The following POU2AF2 variants were observed in gnomAD, a reference collection of about 807,000 sequenced individuals.
POU2AF2 encodes the protein POU class 2 homeobox associating factor 2, also known as POU domain class 2-associating factor 2.
chr11:111,259,248 G>A, the POU2AF2 span, among the ~76,000 whole-genome samples: 5 of 151,202 alleles, frequency 3.3e-5, no homozygotes, highest in East Asian at 3.9e-4. Context: ...CAAGAGAAGC[G>A]AAGTAATTAT....
chr11:111,268,442 A>T, the POU2AF2 span, among the ~76,000 whole-genome samples: 1 of 150,280 alleles, frequency 6.7e-6, no homozygotes, highest in Non-Finnish European at 1.5e-5. Flanking sequence ...AGGTGGCCCA[A>T]TGTGTGTTTT....
the POU2AF2 span, among the ~76,000 whole-genome samples, chr11:111,256,874 A>T: frequency 2.0e-5 from 3 of 152,116 alleles, no homozygotes; most frequent in African/African-American, 7.2e-5. Flanking sequence ...GAGATAACTT[A>T]AAAAAAATCT....
At chr11:111,256,989 C>T in the POU2AF2 span, among the ~76,000 whole-genome samples, 2 of 152,212 alleles carry the variant, frequency 1.3e-5, no homozygotes, top group Non-Finnish European at 2.9e-5. Context: ...CTACTGTATA[C>T]CCCAAATGTT....
the POU2AF2 span, among the ~76,000 whole-genome samples, chr11:111,249,056 C>T: frequency 6.6e-6 from 1 of 152,162 alleles, no homozygotes; most frequent in Non-Finnish European, 1.5e-5. Context: ...TGCAAAAAAA[C>T]ATCTTTTTCC....
At chr11:111,261,285 A>C in the POU2AF2 span, among the ~76,000 whole-genome samples, 1 of 143,106 alleles carries the variant, frequency 7.0e-6, no homozygotes, top group Non-Finnish European at 1.6e-5. Context: ...ACACACACAC[A>C]CACACACATA....
the POU2AF2 span, among the ~76,000 whole-genome samples, chr11:111,250,056 T>C: frequency 6.6e-6 from 1 of 152,172 alleles, no homozygotes; most frequent in Non-Finnish European, 1.5e-5. Flanking sequence ...TATTTTTTAT[T>C]TTATCATGTC....
chr11:111,280,057 A>AAAAAATATATAT, the POU2AF2 span, among the ~76,000 whole-genome samples: 4 of 76,496 alleles, frequency 5.2e-5, no homozygotes, highest in Non-Finnish European at 7.6e-5. Context: ...AAAAAAAAAA[A>AAAAAATATATAT]ATATATATAT....
chr11:111,285,029 A>G, the POU2AF2 span, among the ~76,000 whole-genome samples: 1 of 152,230 alleles, frequency 6.6e-6, no homozygotes, highest in Non-Finnish European at 1.5e-5. Context: ...ATGCCAGGAA[A>G]TGTGATGTGT....
the POU2AF2 span, chr11:111,281,489 A>C: frequency 6.3e-6 from 10 of 1,592,774 alleles, no homozygotes; most frequent in Non-Finnish European, 8.6e-6. Flanking sequence ...AATTTAAATC[A>C]AGCATCTGGG....
At chr11:111,247,546 C>T in the POU2AF2 span, among the ~76,000 whole-genome samples, 2 of 152,046 alleles carry the variant, frequency 1.3e-5, no homozygotes, top group Non-Finnish European at 2.9e-5. Context: ...CCAGCACTTT[C>T]GGAGGCTGAG....
chr11:111,273,323 G>T, the POU2AF2 span, among the ~76,000 whole-genome samples: 2 of 151,982 alleles, frequency 1.3e-5, no homozygotes, highest in African/African-American at 4.8e-5. Flanking sequence ...TAATTCCAAA[G>T]TTGGAGGAAA....
chr11:111,263,712 T>A, the POU2AF2 span, among the ~76,000 whole-genome samples: 1 of 152,156 alleles, frequency 6.6e-6, no homozygotes, highest in Non-Finnish European at 1.5e-5. Flanking sequence ...ATTACAGGCG[T>A]GAGCCACTGT....
chr11:111,261,585 A>C, the POU2AF2 span, among the ~76,000 whole-genome samples: 3 of 151,392 alleles, frequency 2.0e-5, no homozygotes, highest in Non-Finnish European at 4.4e-5. Context: ...AAAAATGTAA[A>C]ACTTGCTGTG....
chr11:111,283,044 A>C, the POU2AF2 span, among the ~76,000 whole-genome samples: 1 of 147,956 alleles, frequency 6.8e-6, no homozygotes, highest in Non-Finnish European at 1.5e-5. Context: ...CTCTCCACCA[A>C]GGAAAACTTT....
the POU2AF2 span, among the ~76,000 whole-genome samples, chr11:111,264,577 G>GAAAGAAAGAAAGA: frequency 8.7e-5 from 2 of 22,930 alleles, no homozygotes; most frequent in African/African-American, 2.9e-4. Context: ...AGAAAGAAAG[G>GAAAGAAAGAAAGA]GAGAGAGAAA....
At chr11:111,266,427 C>T in the POU2AF2 span, among the ~76,000 whole-genome samples, 1 of 152,118 alleles carries the variant, frequency 6.6e-6, no homozygotes, top group Non-Finnish European at 1.5e-5. Flanking sequence ...GATAAATTCC[C>T]TTTTCTCTGA....
At chr11:111,261,285 ACACACACATAAT>A in the POU2AF2 span, among the ~76,000 whole-genome samples, 1 of 143,106 alleles carries the variant, frequency 7.0e-6, no homozygotes, top group African/African-American at 2.5e-5. Flanking sequence ...ACACACACAC[ACACACACATAAT>A]TAAGTTCTGA....
the POU2AF2 span, among the ~76,000 whole-genome samples, chr11:111,264,273 A>G: frequency 6.6e-6 from 1 of 151,916 alleles, no homozygotes; most frequent in Non-Finnish European, 1.5e-5. Context: ...AGGTGGGCAG[A>G]TCTCTTGAGG....
At chr11:111,254,039 T>C in the POU2AF2 span, among the ~76,000 whole-genome samples, 1 of 152,230 alleles carries the variant, frequency 6.6e-6, no homozygotes, top group Non-Finnish European at 1.5e-5. Flanking sequence ...ATCACAATTA[T>C]TTTATTTTAA....
Sources: allele counts gnomAD v4.1 joint callset (sites outside exome capture counted in the v4.1 genomes callset), GRCh38; gene constraint gnomAD v4.1.1; transcripts MANE v1.5; gene names NCBI Gene and HGNC (gene_info 2026-07-23, HGNC 2026-07-21).